The following BBS4 variants were observed in gnomAD, a reference collection of about 807,000 sequenced individuals.
The protein encoded by BBS4 is Bardet-Biedl syndrome 4.
BBS4 carries 58 observed loss-of-function variants against 71.4 expected under a neutral mutation model. The ratio of observed to expected loss-of-function variants is 0.81; its 90% CI spans 0.66 to 1.01. The LOEUF (loss-of-function observed/expected upper bound fraction) is 1.01, where lower values mean the gene tolerates loss of function less well. BBS4 is among the 50% of genes least tolerant of loss of function. The pLI is 0.00. For missense variants in BBS4, 660 were observed against 607.9 expected (o/e 1.09, Z -0.90); for synonymous variants, 228 against 216.8 (o/e 1.05, Z -0.46).
chr15:72,697,752 C>T (rs1212006906), intron 2 of BBS4, among the ~76,000 whole-genome samples: 1 of 152,160 alleles, frequency 6.6e-6, no homozygotes, highest in Non-Finnish European at 1.5e-5. Flanking sequence ...ACTCTTTCCT[C>T]CTCAGCTTGA....
chr15:72,729,917 A>C (rs1431718629), intron 10 of BBS4, among the ~76,000 whole-genome samples: 1 of 152,194 alleles, frequency 6.6e-6, no homozygotes, highest in African/African-American at 2.4e-5. Context: ...CAGAAGGCAG[A>C]TCATAGTGCT....
intron 1 of BBS4, among the ~76,000 whole-genome samples, chr15:72,689,852 C>T (rs948634083): frequency 4.6e-5 from 7 of 151,324 alleles, no homozygotes; most frequent in Non-Finnish European, 8.8e-5. Context: ...GCTCTGTCGC[C>T]CAGGCTGGAG....
intron 1 of BBS4, among the ~76,000 whole-genome samples, chr15:72,687,395 T>C (rs565963923): frequency 1.3e-5 from 2 of 151,418 alleles, no homozygotes; most frequent in South Asian, 2.1e-4. Context: ...CTTGAGGTCA[T>C]GAGTTTGAGA....
At chr15:72,721,887 A>G (rs1481025471) in intron 6 of BBS4, among the ~76,000 whole-genome samples, 4 of 152,204 alleles carry the variant, frequency 2.6e-5, no homozygotes. Flanking sequence ...AGAGTCCATA[A>G]AACAGTATCA....
At chr15:72,686,900 T>G (rs2064856575) in intron 1 of BBS4, 1 of 288,984 alleles carries the variant, frequency 3.5e-6, no homozygotes, top group African/African-American at 2.2e-5. Context: ...TGAAAGCCTG[T>G]TCTGTCCATT....
intron 4 of BBS4, among the ~76,000 whole-genome samples, chr15:72,715,038 A>G (rs1439062797): frequency 1.3e-5 from 2 of 152,202 alleles, no homozygotes; most frequent in African/African-American, 4.8e-5. Context: ...TATCTATGTG[A>G]TGGATCCTGG....
chr15:72,695,042 C>T (rs1216394746), intron 1 of BBS4, 135 bp from the exon 2 acceptor site: 1 of 645,904 alleles, frequency 1.5e-6, no homozygotes, highest in East Asian at 2.8e-5. Flanking sequence ...TTTAAAGTAA[C>T]TCTATCACAA....
At chr15:72,691,236 A>C (rs142908710) in intron 1 of BBS4, among the ~76,000 whole-genome samples, 1 of 152,102 alleles carries the variant, frequency 6.6e-6, no homozygotes, top group African/African-American at 2.4e-5. Flanking sequence ...CCTGCCTCAC[A>C]TAAGTATTCT....
intron 14 of BBS4, 126 bp downstream of exon 14, chr15:72,736,092 C>A: frequency 9.3e-7 from 1 of 1,070,946 alleles, no homozygotes; most frequent in Non-Finnish European, 1.4e-6. Context: ...ATGTTCCTAG[C>A]AGCATGAGTT....
intron 1 of BBS4, among the ~76,000 whole-genome samples, chr15:72,688,134 T>G (rs1452521895): frequency 2.0e-5 from 3 of 150,702 alleles, no homozygotes; most frequent in Non-Finnish European, 4.4e-5. Context: ...GCTACAAATA[T>G]AGCTTATCCT....
At chr15:72,699,939 A>G (rs76576336) in intron 2 of BBS4, among the ~76,000 whole-genome samples, 16,269 of 152,128 alleles carry the variant, frequency 0.11, 993 homozygotes, top group Non-Finnish European at 0.12. Flanking sequence ...GAAAGTTTCT[A>G]TGAACATTTA....
chr15:72,699,460 A>G (rs1225809478), intron 2 of BBS4, among the ~76,000 whole-genome samples: 1 of 152,154 alleles, frequency 6.6e-6, no homozygotes, highest in African/African-American at 2.4e-5. Context: ...ATTTTTCCCT[A>G]TTATTTTTAA....
intron 2 of BBS4, among the ~76,000 whole-genome samples, chr15:72,699,059 C>G (rs1027025177): frequency 6.6e-6 from 1 of 152,072 alleles, no homozygotes; most frequent in Non-Finnish European, 1.5e-5. Flanking sequence ...TCTTACTTGT[C>G]TTGGTATCCT....
chr15:72,722,426 A>C (rs1292609163), intron 6 of BBS4, among the ~76,000 whole-genome samples: 4 of 152,250 alleles, frequency 2.6e-5, no homozygotes, highest in African/African-American at 9.6e-5. Flanking sequence ...TGTGGCTAGC[A>C]GCCCTCTCAG....
Position 72,738,182 on chromosome 15 carries a change from C to T in BBS4, c.*595C>T, listed in dbSNP as rs1406594856. The T allele has an allele frequency of 4.4e-6, 2 of 451,290 alleles. No homozygotes were observed. The highest frequency in any genetic ancestry group is 8.9e-6 in the Non-Finnish European group (2 of 225,816). 28.0% of individuals were successfully genotyped at this position (451,290 alleles called of 1,614,324 possible). A position where few individuals can be genotyped will look rare whatever the true frequency, so the allele number is the denominator to read the frequency against. On this transcript the variant is annotated 3_prime_UTR_variant, in exon 16 of 16. Transcript: ENST00000268057. ...CCCAAAGGGAATCCAGAACAAGTCCCTCCCTGTATTTTGTTCTTGAGAGGG... is the reference window on the plus strand; with the variant it reads ...CCCAAAGGGAATCCAGAACAAGTCCTTCCCTGTATTTTGTTCTTGAGAGGG...
At chr15:72,702,125 C>T (rs938854537) in intron 2 of BBS4, among the ~76,000 whole-genome samples, 6 of 152,028 alleles carry the variant, frequency 3.9e-5, no homozygotes, top group African/African-American at 7.3e-5. Context: ...GGATTACAGG[C>T]GTGAGCCACT....
chr15:72,722,158 T>C lies in BBS4; in HGVS notation c.406-636T>C, dbSNP rs567904059. On this transcript the variant is annotated intron_variant, in intron 6 of 15. Coordinates refer to ENST00000268057, the MANE Select transcript of BBS4 (RefSeq NM_033028.5). ...CTGTGTTCCAATGAATCTGTACTTA[T>C]AAAAAAGGGCAGGGAATGGATTTGG... Among the ~76,000 whole-genome samples, 10 of 152,342 alleles carry C rather than the reference T, an allele frequency of 6.6e-5. No individual in the cohort carries two copies. The South Asian group carries it at 2.1e-3, about 32-fold the overall frequency.
Position 72,731,655 on chromosome 15 carries a change from C to T in BBS4, c.965C>T (p.Ser322Leu). 2 of 1,614,194 alleles carry T rather than the reference C, an allele frequency of 1.2e-6. No homozygotes were observed. The highest frequency in any genetic ancestry group is 1.7e-6 in the Non-Finnish European group (2 of 1,180,042). ...CATTTGACCATGCAGCAGTATGCAT[C>T]AGCTTTTCATTTTCTCAGTGCGGCC... is the stretch of plus-strand genomic sequence containing the variant. ...LVHLTMQQYA[S>L]AFHFLSAAIN... is the part of the protein sequence containing the mutation. The change falls in exon 12 of 16, where the codon TCA becomes TTA. Residue 322 changes from serine to leucine, a missense_variant. Ser to Leu is a moderately radical substitution (Grantham distance 145). Transcript: ENST00000268057.
At chr15:72,724,418 G>A in intron 7 of BBS4, 110 bp from the exon 8 acceptor site, 1 of 1,512,388 alleles carries the variant, frequency 6.6e-7, no homozygotes. Flanking sequence ...TTGCTGAAAT[G>A]TGATGTTCCT....
Sources: allele counts gnomAD v4.1 joint callset (sites outside exome capture counted in the v4.1 genomes callset), GRCh38; gene constraint gnomAD v4.1.1; transcripts MANE v1.5; gene names NCBI Gene and HGNC (gene_info 2026-07-23, HGNC 2026-07-21).